Variants in ABCA2 observed in about 807,000 individuals in gnomAD.
ABCA2 encodes ATP binding cassette subfamily A member 2, also known as ATP-binding cassette sub-family A member 2.
ABCA2 carries 84 observed loss-of-function variants against 262.8 expected under a neutral mutation model. The ratio of observed to expected loss-of-function variants is 0.32; its 90% CI spans 0.27 to 0.38. The LOEUF is 0.38. Among genes scored for constraint, ABCA2 ranks in the 10% least tolerant of loss-of-function variants. ABCA2 has a pLI of 1.00. For missense variants in ABCA2, 2,662 were observed against 3,405.9 expected (o/e 0.78, Z 5.44); for synonymous variants, 1,696 against 1,502.9 (o/e 1.13, Z -2.97).
At chr9:137,014,143 C>A (rs757250971) in intron 27 of ABCA2, 25 bp downstream of exon 27, 5 of 1,599,766 alleles carry the variant, frequency 3.1e-6, no homozygotes, top group African/African-American at 1.3e-5. Context: ...CCCTTGCTGT[C>A]CCAGCCTCAC....
chr9:137,016,926 G>A lies in ABCA2; in HGVS notation c.2752C>T (p.His918Tyr), dbSNP rs1296525189. 3.7e-6 allele frequency: 6 copies of A among 1,612,418 alleles called. No homozygotes were observed. The highest frequency in any genetic ancestry group is 2.2e-5 in the East Asian group (1 of 44,866). ...GILTWYIEAV[H>Y]PGMYGLPRPW... ...TCCAAGGGCTGGCCAGTACCTGGGT[G>A]CACAGCCTCAATGTACCACGTGAGG... is the stretch of plus-strand genomic sequence containing the variant. Residue 918 changes from histidine to tyrosine, a missense_variant, in exon 19 of 49, where the codon CAC (histidine) becomes TAC (tyrosine). Coordinates refer to ENST00000341511, the MANE Select transcript of ABCA2 (RefSeq NM_001606.5).
chr9:137,017,047 C>A lies in ABCA2; in HGVS notation c.2631G>T (p.Gln877His), dbSNP rs934125637. 23 of 1,612,814 alleles carry A rather than the reference C, an allele frequency of 1.4e-5. No homozygotes were observed. The highest frequency in any genetic ancestry group is 1.9e-5 in the Non-Finnish European group (23 of 1,180,000). Residue 877 changes from glutamine to histidine, a missense_variant, in exon 19 of 49, where the codon CAG becomes CAT. By Grantham distance (24) the Gln-to-His change is conservative (BLOSUM62 0). Around this residue, in one of 12 missense-constraint regions of ABCA2, gnomAD observed 188 missense variants for 343.4 expected, o/e 0.55. Coordinates refer to ENST00000341511, the MANE Select transcript of ABCA2 (RefSeq NM_001606.5). ...ALYEVAGVGIQWHTFSQSPVE... is the reference protein window; with the variant it reads ...ALYEVAGVGIHWHTFSQSPVE... ...CCGGGGACTGGCTGAAGGTGTGCCA[C>A]TGGATGCCCACGCCGGCCACCTCAT...
rs773010162 is a variant in ABCA2 at position 137,023,044 on chromosome 9, T to G, written c.172A>C (p.Thr58Pro). 1 of 1,581,948 alleles carries G rather than the reference T, an allele frequency of 6.3e-7. No individual in the cohort carries two copies. Among genetic ancestry groups the G allele is most frequent in the Non-Finnish European group, 8.6e-7 (1 of 1,165,452 alleles). The change falls in exon 4 of 49, where the codon ACA becomes CCA. Residue 58 changes from threonine (T) to proline (P), a missense_variant. Thr to Pro is a conservative substitution (Grantham distance 38). Around this residue, in one of 12 missense-constraint regions of ABCA2, gnomAD observed 101 missense variants for 152.3 expected, o/e 0.66. Coordinates refer to ENST00000341511, the MANE Select transcript of ABCA2 (RefSeq NM_001606.5). ...TISVKEVSFYTAAPLTSAGIL... is the reference protein window; with the variant it reads ...TISVKEVSFYPAAPLTSAGIL... ...CCGGCAGACGTCAGGGGCGCCGCTGTGTAGAAGGCTGGCAGACCCACGGGA... is the reference window on the plus strand; with the variant it reads ...CCGGCAGACGTCAGGGGCGCCGCTGGGTAGAAGGCTGGCAGACCCACGGGA...
rs994978075 is a variant in ABCA2, at chr9:137,021,425, C to T, written c.864G>A (p.Arg288=). ...RRFSGLSAEL[R]NQLDVAKVSQ... ...AGACCTTGGCCACGTCCAGCTGGTTCCGGAGCTCAGCAGACAGCCCAGAGA... is the reference window on the plus strand; with the variant it reads ...AGACCTTGGCCACGTCCAGCTGGTTTCGGAGCTCAGCAGACAGCCCAGAGA... The change falls in exon 8 of 49, where the codon CGG becomes CGA. Residue 288 remains arginine (R), a synonymous_variant. Coordinates refer to ENST00000341511, the MANE Select transcript of ABCA2 (RefSeq NM_001606.5). The surrounding 1 kb of genome is among the most constrained non-coding windows in gnomAD (Gnocchi z 6.0). 6.2e-7 allele frequency: 1 copy of T among 1,610,604 alleles called. No homozygotes were observed. The highest frequency in any genetic ancestry group is 2.2e-5 in the East Asian group (1 of 44,870).
rs147999554 is a variant in ABCA2 at position 137,017,185 on chromosome 9, G to T, written c.2553+11C>A. ...CGGCACCCCAGCCGCCCGCCTGCCC[G>T]CGACCCTCACCGCGATGCACTTCTC... is the stretch of plus-strand genomic sequence containing the variant. On this transcript the variant is annotated intron_variant, in intron 18 of 48. Transcript: ENST00000341511. 1.5e-5 allele frequency: 24 copies of T among 1,612,048 alleles called. No individual in the cohort carries two copies. In the African/African-American group the frequency reaches 3.1e-4, roughly 21 times the overall value.
chr9:137,009,631 G>C lies in ABCA2; in HGVS notation c.6644C>G (p.Thr2215Arg), dbSNP rs759594733. 6.2e-7 allele frequency: 1 copy of C among 1,612,892 alleles called. No homozygotes were observed. Among genetic ancestry groups the C allele is most frequent in the South Asian group, 1.1e-5 (1 of 91,088 alleles). ...GCGCCGGGCCTTGGGGTCCATGCCT[G>C]TGGTGGGCTCGTCCTGGGGATGGGT... Reference protein sequence around the residue: ...PAFIFLDEPTTGMDPKARRFL... With the variant: ...PAFIFLDEPTRGMDPKARRFL... The change falls in exon 44 of 49, where the codon ACA (threonine) becomes AGA (arginine). Residue 2215 changes from threonine (T) to arginine (R), a missense_variant. This residue lies in a region of ABCA2 where 602 missense variants were observed against 897.4 expected (regional missense o/e 0.67). Transcript: ENST00000341511.
chr9:137,023,573 C>T lies in ABCA2; in HGVS notation c.163+265G>A. The stretch of plus-strand genomic sequence containing the variant: ...AGCCCAGAAGCCGAGGCACCCCAGC[C>T]CTAGAAGGCAAGGCCAGGCAGAGAG... On this transcript the variant is annotated intron_variant, in intron 3 of 48. Coordinates refer to ENST00000341511, the MANE Select transcript of ABCA2 (RefSeq NM_001606.5). 3 of 748,850 alleles carry T rather than the reference C, an allele frequency of 4.0e-6. No homozygotes were observed. In the Middle Eastern group the frequency reaches 7.0e-4, roughly 175 times the overall value. 46.4% of individuals were successfully genotyped at this position (748,850 alleles called of 1,614,324 possible).
At position 137,015,890 on chromosome 9, in the gene ABCA2, G is replaced by A; in HGVS notation, c.3318-19C>T. ...GATCATCCTGGGACAGGGAGGTGGG[G>A]CATGGGGCTGCTGCTATGCAGAGCC... On this transcript the variant is annotated intron_variant, in intron 22 of 48. Coordinates refer to ENST00000341511, the MANE Select transcript of ABCA2 (RefSeq NM_001606.5). The A allele has an allele frequency of 1.2e-6, 2 of 1,607,256 alleles. No homozygotes were observed. The highest frequency in any genetic ancestry group is 1.7e-6 in the Non-Finnish European group (2 of 1,175,942).
rs1290610007 is a variant in ABCA2, at chr9:137,011,130, G to A, written c.5924-25C>T. 1 of 1,611,938 alleles carries A rather than the reference G, an allele frequency of 6.2e-7. No homozygotes were observed. Among genetic ancestry groups the A allele is most frequent in the Non-Finnish European group, 8.5e-7 (1 of 1,179,672 alleles). Reference sequence around the variant, plus strand: ...CCTGCGGGGAGACAGCTCAGGGCCTGTGCTCTGGGCCTTGCGGGGCCCCCA... The same window carrying A: ...CCTGCGGGGAGACAGCTCAGGGCCTATGCTCTGGGCCTTGCGGGGCCCCCA... On this transcript the variant is annotated intron_variant, in intron 38 of 48. Coordinates refer to ENST00000341511, the MANE Select transcript of ABCA2 (RefSeq NM_001606.5). This position sits in a 1 kb window ranked among gnomAD's most constrained non-coding sequence, Gnocchi z 8.8.
In ABCA2 at chr9:137,015,940, GCCCCCC is replaced by G; in HGVS notation, c.3317+16_3317+21del. The G allele has an allele frequency of 2.8e-6, 3 of 1,053,404 alleles. No individual in the cohort carries two copies. Among genetic ancestry groups the G allele is most frequent in the Non-Finnish European group, 3.5e-6 (3 of 861,048 alleles). 65.3% of individuals were successfully genotyped at this position (1,053,404 alleles called of 1,614,324 possible). ...CCCAGGGCCTCCGCCCACCTGCCCCGCCCCCCGCCCAGCCCACCCACTTGTCCATCT... is the reference window on the plus strand; with the variant it reads ...CCCAGGGCCTCCGCCCACCTGCCCCGGCCCAGCCCACCCACTTGTCCATCT... On this transcript the variant is annotated intron_variant, in intron 22 of 48. Transcript: ENST00000341511.
Position 137,018,739 on chromosome 9 carries a change from TCCTGGTAGG to T in ABCA2, c.1790_1798del (p.Ala597_Gln599del). The T allele has an allele frequency of 6.2e-7, 1 of 1,611,736 alleles. No homozygotes were observed. Among genetic ancestry groups the T allele is most frequent in the Non-Finnish European group, 8.5e-7 (1 of 1,179,786 alleles). On this transcript the variant is annotated inframe_deletion, in exon 13 of 49. Transcript: ENST00000341511. ...CTCACTGGCAAAAACAGTGACGTTG[TCCTGGTAGG>T]CCTGGTTGAGGGTGTAGTTGACAAT...
At chr9:137,023,537 AG>A in intron 3 of ABCA2, 1 of 737,662 alleles carries the variant, frequency 1.4e-6, no homozygotes, top group East Asian at 2.6e-5. Context: ...GCCCAGCCTC[AG>A]CCCAGACTCA....
rs778944013 is a variant in ABCA2, at chr9:137,013,858, G to A, written c.4421C>T (p.Thr1474Ile). The change falls in exon 28 of 49, where the codon ACC becomes ATC. Residue 1474 changes from threonine (T) to isoleucine (I), a missense_variant. Physicochemically the swap from Thr to Ile is moderately conservative, Grantham distance 89. Coordinates refer to ENST00000341511, the MANE Select transcript of ABCA2 (RefSeq NM_001606.5). ...AATCTCCGGGACGGACAGGGCCACG[G>A]TCATGGCCACGCAGACGAAGAAGGC... ...LPAFFVCVAMTVALSVPEIGD... is the reference protein window; with the variant it reads ...LPAFFVCVAMIVALSVPEIGD... The A allele has an allele frequency of 6.2e-7, 1 of 1,610,716 alleles. No homozygotes were observed. Among genetic ancestry groups the A allele is most frequent in the Non-Finnish European group, 8.5e-7 (1 of 1,179,042 alleles).
chr9:137,010,576 T>G (rs1831002105), intron 40 of ABCA2, 44 bp downstream of exon 40: 3 of 1,044,086 alleles, frequency 2.9e-6, no homozygotes, highest in African/African-American at 2.4e-5. Context: ...CCCCTGGCCC[T>G]GGCCTACCCC....
In ABCA2 at chr9:137,018,332, C is replaced by G. The variant is rs1588520200; in HGVS notation, c.1839G>C (p.Arg613=). ...TVFASVIFQT[R]KDGSLPPHVH... is the part of the protein sequence containing the mutation. ...CGTGAGGCGGGAGCGAGCCGTCCTT[C>G]CGGGTCTGGAAGATCACACCTGGGG... The change falls in exon 14 of 49, where the codon CGG becomes CGC. Residue 613 remains arginine (R), a synonymous_variant. Transcript: ENST00000341511. The G allele has an allele frequency of 6.3e-7, 1 of 1,576,246 alleles. No individual in the cohort carries two copies. Among genetic ancestry groups the G allele is most frequent in the Non-Finnish European group, 8.6e-7 (1 of 1,163,442 alleles).
intron 17 of ABCA2, 30 bp downstream of exon 17, chr9:137,017,472 C>T: frequency 6.3e-7 from 1 of 1,599,068 alleles, no homozygotes; most frequent in Non-Finnish European, 8.5e-7. Context: ...GTGCCTGCCC[C>T]AGGTCCCTCC....
At chr9:137,022,297 G>A in intron 6 of ABCA2, 54 bp downstream of exon 6, 1 of 1,527,866 alleles carries the variant, frequency 6.5e-7, no homozygotes, top group East Asian at 2.3e-5. Context: ...GCAACCAGGG[G>A]GCGTGGCTGG....
Position 137,023,231 on chromosome 9 carries a change from C to T in ABCA2, c.164-179G>A, listed in dbSNP as rs189429047. 1.8e-4 allele frequency: 114 copies of T among 629,726 alleles called. No individual in the cohort carries two copies. The Admixed American group carries it at 1.8e-3, about 10-fold the overall frequency. 39.0% of individuals were successfully genotyped at this position (629,726 alleles called of 1,614,324 possible). A position where few individuals can be genotyped will look rare whatever the true frequency, so the allele number is the denominator to read the frequency against. Reference sequence around the variant, plus strand: ...GGCCCCAGCTGGGCTACAGGCCAAGCGTTCTGGGGCGAATGACTCCAGCAG... The same window carrying T: ...GGCCCCAGCTGGGCTACAGGCCAAGTGTTCTGGGGCGAATGACTCCAGCAG... On this transcript the variant is annotated intron_variant, in intron 3 of 48. Transcript: ENST00000341511.
chr9:137,022,537 A>G (rs1214727403), intron 5 of ABCA2, 59 bp from the exon 6 acceptor site: 2 of 1,588,598 alleles, frequency 1.3e-6, no homozygotes, highest in East Asian at 2.3e-5. Flanking sequence ...GTGCCCCCAC[A>G]TGCGCTCGGA....
Sources: gnomAD v4.1 joint callset for allele counts on GRCh38, gnomAD v4.1.1 for gene constraint, gnomAD v4.1.1 regional missense constraint, Gnocchi (gnomAD v3.1) non-coding constraint, MANE v1.5 for transcripts, NCBI Gene and HGNC (gene_info 2026-07-23, HGNC 2026-07-21) for gene names.